SGMS1: variants seen among roughly 807,000 people sequenced by gnomAD.
The protein encoded by SGMS1 is phosphatidylcholine:ceramide cholinephosphotransferase 1.
SGMS1 carries 13 observed loss-of-function variants against 46.2 expected under a neutral mutation model. The observed-to-expected ratio is 0.28, with a 90% CI of 0.18 to 0.45. The LOEUF is 0.45. Among genes scored for constraint, SGMS1 ranks in the 20% least tolerant of loss-of-function variants. The pLI, the probability that SGMS1 is intolerant of heterozygous loss-of-function variation, is 1.00. For synonymous variants in SGMS1, 203 were observed against 187.8 expected (o/e 1.08, Z -0.66); for missense variants, 324 against 519.9 (o/e 0.62, Z 3.66).
At chr10:50,470,071 G>A (rs1039985941) in intron 3 of SGMS1, among the ~76,000 whole-genome samples, 5 of 152,164 alleles carry the variant, frequency 3.3e-5, no homozygotes, top group African/African-American at 1.2e-4. Context: ...TGTCTGCTAT[G>A]GACACACGAT....
chr10:50,501,120 C>T (rs1203675422), intron 3 of SGMS1, among the ~76,000 whole-genome samples: 8 of 152,176 alleles, frequency 5.3e-5, no homozygotes, highest in Admixed American at 5.2e-4. Flanking sequence ...GTCATCCTCT[C>T]CTGCAATTTA....
chr10:50,467,629 A>G (rs1322776921), intron 3 of SGMS1, among the ~76,000 whole-genome samples: 1 of 152,200 alleles, frequency 6.6e-6, no homozygotes, highest in Non-Finnish European at 1.5e-5. Flanking sequence ...AAATTTTCTT[A>G]AAGTGAACAC....
At chr10:50,536,255 C>A (rs546357322) in intron 2 of SGMS1, among the ~76,000 whole-genome samples, 11 of 152,142 alleles carry the variant, frequency 7.2e-5, no homozygotes, top group South Asian at 6.2e-4. Flanking sequence ...ATCCCTTGAA[C>A]CCAGGAGATC....
chr10:50,484,549 G>T (rs1252332456), intron 3 of SGMS1, among the ~76,000 whole-genome samples: 1 of 152,076 alleles, frequency 6.6e-6, no homozygotes, highest in Non-Finnish European at 1.5e-5. Flanking sequence ...CATTTTATGA[G>T]GCCAGCATCA....
chr10:50,384,381 CTTTT>C (rs1171434602), intron 6 of SGMS1, among the ~76,000 whole-genome samples: 1 of 149,492 alleles, frequency 6.7e-6, no homozygotes, highest in African/African-American at 2.5e-5. Flanking sequence ...TTCTCTCTTT[CTTTT>C]TCTCTCTCTC....
intron 5 of SGMS1, among the ~76,000 whole-genome samples, chr10:50,458,835 T>C (rs1837229524): frequency 6.6e-6 from 1 of 152,294 alleles, no homozygotes; most frequent in East Asian, 1.9e-4. Context: ...AGCCTAAATA[T>C]ATAGAAATTT....
At chr10:50,330,874 G>A (rs1298473411) in intron 7 of SGMS1, among the ~76,000 whole-genome samples, 2 of 152,172 alleles carry the variant, frequency 1.3e-5, no homozygotes, top group African/African-American at 4.8e-5. Flanking sequence ...ACATCACTGA[G>A]CTGTATCTTT....
chr10:50,385,680 C>G (rs1343092555), intron 6 of SGMS1, among the ~76,000 whole-genome samples: 1 of 152,044 alleles, frequency 6.6e-6, no homozygotes, highest in Admixed American at 6.6e-5. Context: ...GACTTAGGGG[C>G]ATGCTGGGAG....
chr10:50,353,762 T>C (rs985260163), intron 6 of SGMS1, among the ~76,000 whole-genome samples: 1 of 152,286 alleles, frequency 6.6e-6, no homozygotes, highest in Non-Finnish European at 1.5e-5. Flanking sequence ...AAAATCAATG[T>C]GCAAAAATCA....
At chr10:50,365,589 C>T (rs1022040107) in intron 6 of SGMS1, among the ~76,000 whole-genome samples, 1 of 152,072 alleles carries the variant, frequency 6.6e-6, no homozygotes, top group Non-Finnish European at 1.5e-5. Flanking sequence ...CTCTTGCCCC[C>T]ATACCCCCGA....
At chr10:50,359,779 T>C (rs895720181) in intron 6 of SGMS1, among the ~76,000 whole-genome samples, 8 of 152,108 alleles carry the variant, frequency 5.3e-5, no homozygotes, top group African/African-American at 1.9e-4. Context: ...CCACAGACTG[T>C]ACTGTATTTC....
chr10:50,542,999 A>G (rs1564428052), intron 2 of SGMS1, among the ~76,000 whole-genome samples: 1 of 152,158 alleles, frequency 6.6e-6, no homozygotes, highest in Non-Finnish European at 1.5e-5. Flanking sequence ...CACAGTGTCT[A>G]TATGATAGCT....
chr10:50,581,766 G>C (rs549938074), intron 2 of SGMS1, among the ~76,000 whole-genome samples: 2 of 152,326 alleles, frequency 1.3e-5, no homozygotes, highest in East Asian at 3.9e-4. Flanking sequence ...GTAAAGCCAG[G>C]TGTGGGGATC....
chr10:50,569,886 C>A (rs1838322452), intron 2 of SGMS1, among the ~76,000 whole-genome samples: 1 of 152,078 alleles, frequency 6.6e-6, no homozygotes, highest in Non-Finnish European at 1.5e-5. Context: ...CCTTAGGAGG[C>A]TAGTGTAAGC....
chr10:50,610,570 A>G (rs1838740623), intron 1 of SGMS1, among the ~76,000 whole-genome samples: 1 of 152,186 alleles, frequency 6.6e-6, no homozygotes, highest in South Asian at 2.1e-4. Flanking sequence ...AAAGCCGGCC[A>G]TGCTGAGGCC....
chr10:50,543,463 TAAGAAAC>T (rs1838073717), intron 2 of SGMS1, among the ~76,000 whole-genome samples: 1 of 152,228 alleles, frequency 6.6e-6, no homozygotes, highest in South Asian at 2.1e-4. Flanking sequence ...GAGCGTAGGC[TAAGAAAC>T]AAATATGTGG....
At chr10:50,588,182 C>T (rs1838505043) in intron 2 of SGMS1, among the ~76,000 whole-genome samples, 1 of 152,152 alleles carries the variant, frequency 6.6e-6, no homozygotes, top group Non-Finnish European at 1.5e-5. Flanking sequence ...TTCTGAATGC[C>T]AGTATCTTTT....
At chr10:50,503,963 G>C (rs1259116928) in intron 3 of SGMS1, among the ~76,000 whole-genome samples, 4 of 152,234 alleles carry the variant, frequency 2.6e-5, no homozygotes, top group Non-Finnish European at 4.4e-5. Flanking sequence ...GGCTAGCTGA[G>C]TGATTTACGC....
chr10:50,606,026 A>G (rs1838691348), intron 1 of SGMS1, among the ~76,000 whole-genome samples: 1 of 152,218 alleles, frequency 6.6e-6, no homozygotes, highest in Non-Finnish European at 1.5e-5. Context: ...TTTGTCTTGA[A>G]CAAATATTTG....
Sources: gnomAD v4.1 joint callset for allele counts (sites outside exome capture counted in the v4.1 genomes callset) on GRCh38, gnomAD v4.1.1 for gene constraint, MANE v1.5 for transcripts, NCBI Gene and HGNC (gene_info 2026-07-23, HGNC 2026-07-21) for gene names.